Variants in PARD3B observed in about 807,000 individuals in gnomAD.
PARD3B encodes par-3 family cell polarity regulator beta.
A neutral mutation model predicts 130.2 loss-of-function variants in PARD3B; 103 were observed. The observed-to-expected ratio is 0.79, with a 90% CI of 0.67 to 0.93. The LOEUF (loss-of-function observed/expected upper bound fraction) is 0.93. PARD3B is among the 40% of genes least tolerant of loss of function. The probability of loss-of-function intolerance (pLI) is 0.00; values close to 1 mark genes in which losing one functional copy is unlikely to be tolerated. For missense variants in PARD3B, 1,609 were observed against 1,499.2 expected (o/e 1.07, Z -1.21); for synonymous variants, 583 against 553.2 (o/e 1.05, Z -0.76).
In PARD3B at chr2:205,407,145, G is replaced by T. The variant is rs1234848537; in HGVS notation, c.2741+6022G>T. ...GGTTTATGGTAGTGCATACACCATT[G>T]TTACCTGAGTGTATAAGCCCAAGTT... On this transcript the variant is annotated intron_variant, in intron 19 of 22. Transcript: ENST00000406610. The surrounding 1 kb of genome is among the most constrained non-coding windows in gnomAD (Gnocchi z 4.1). Among the ~76,000 whole-genome samples, 1 of 152,168 alleles carries T rather than the reference G, an allele frequency of 6.6e-6. No homozygotes were observed. The highest frequency in any genetic ancestry group is 1.5e-5 in the Non-Finnish European group (1 of 68,026).
intron 3 of PARD3B, among the ~76,000 whole-genome samples, chr2:205,008,279 G>A (rs1400358433): frequency 8.2e-6 from 1 of 121,502 alleles, no homozygotes; most frequent in East Asian, 2.5e-4. Context: ...TGTTTTACAG[G>A]CACAAATAAT....
chr2:204,569,841 A>G (rs1220561695), intron 1 of PARD3B, among the ~76,000 whole-genome samples: 1 of 152,146 alleles, frequency 6.6e-6, no homozygotes, highest in African/African-American at 2.4e-5. Flanking sequence ...TAATGTGGGG[A>G]TGCTTCATTG....
intron 18 of PARD3B, among the ~76,000 whole-genome samples, chr2:205,306,028 C>A (rs188743649): frequency 2.1e-3 from 325 of 152,104 alleles, no homozygotes; most frequent in Non-Finnish European, 3.4e-3. Flanking sequence ...CCCAATATAC[C>A]CAATGTAATC....
intron 1 of PARD3B, among the ~76,000 whole-genome samples, chr2:204,684,364 A>G (rs1467354071): frequency 6.6e-6 from 1 of 152,334 alleles, no homozygotes; most frequent in African/African-American, 2.4e-5. Flanking sequence ...TAATATATCA[A>G]AAAACTCAAT....
intron 2 of PARD3B, among the ~76,000 whole-genome samples, chr2:204,723,005 T>TCAA (rs1559089354): frequency 6.6e-6 from 1 of 152,148 alleles, no homozygotes; most frequent in African/African-American, 2.4e-5. Flanking sequence ...ATTGACACTT[T>TCAA]TGTTATCTCT....
At chr2:205,043,344 C>G (rs1390362857) in intron 3 of PARD3B, among the ~76,000 whole-genome samples, 2 of 151,934 alleles carry the variant, frequency 1.3e-5, no homozygotes, top group Non-Finnish European at 2.9e-5. Context: ...AATTACATAC[C>G]AGACAGTTCC....
intron 20 of PARD3B, among the ~76,000 whole-genome samples, chr2:205,459,906 G>GCA (rs1447727854): frequency 5.3e-5 from 8 of 152,150 alleles, no homozygotes; most frequent in African/African-American, 1.9e-4. Flanking sequence ...TGCACTCACT[G>GCA]CAGCCTTGTT....
At chr2:205,453,810 T>A (rs2048182977) in intron 20 of PARD3B, among the ~76,000 whole-genome samples, 1 of 152,224 alleles carries the variant, frequency 6.6e-6, no homozygotes, top group Admixed American at 6.5e-5. Context: ...TGTATTTTTG[T>A]TGCAGTTGTA....
At chr2:204,818,597 T>C (rs1056674501) in intron 2 of PARD3B, among the ~76,000 whole-genome samples, 16 of 152,164 alleles carry the variant, frequency 1.1e-4, no homozygotes, top group Non-Finnish European at 5.9e-5. Flanking sequence ...CTATTATAAA[T>C]GCAGTCATAA....
At chr2:204,780,725 G>GC (rs2041806058) in intron 2 of PARD3B, among the ~76,000 whole-genome samples, 1 of 152,174 alleles carries the variant, frequency 6.6e-6, no homozygotes, top group East Asian at 1.9e-4. Flanking sequence ...GCATTTGGGG[G>GC]CATATACATA....
chr2:204,633,663 T>C, intron 1 of PARD3B, among the ~76,000 whole-genome samples: 1 of 152,108 alleles, frequency 6.6e-6, no homozygotes, highest in South Asian at 2.1e-4. Flanking sequence ...AATACAAAAT[T>C]TAGCCAGGCA....
At chr2:204,830,736 T>A (rs1330543929) in intron 2 of PARD3B, among the ~76,000 whole-genome samples, 1 of 152,206 alleles carries the variant, frequency 6.6e-6, no homozygotes, top group African/African-American at 2.4e-5. Context: ...GTTCCTATGA[T>A]AACAGCTGTC....
At chr2:205,159,169 C>T (rs6435271) in intron 11 of PARD3B, among the ~76,000 whole-genome samples, 100,450 of 152,048 alleles carry the variant, frequency 0.66, 33,872 homozygotes, top group Admixed American at 0.76. Context: ...TTTATTACTG[C>T]AATAGGATTC....
In PARD3B at chr2:205,121,680, C is replaced by T. The variant is rs150197749; in HGVS notation, c.896C>T (p.Ser299Leu). The stretch of plus-strand genomic sequence containing the variant: ...CAAAACCGTGAACAGTATGAAAAGT[C>T]AGTCATTGGCTCTCTTAACATTTTT... ...PPQNREQYEK[S>L]VIGSLNIFGN... Residue 299 changes from serine to leucine, a missense_variant, in exon 8 of 23, where the codon TCA becomes TTA. Ser to Leu is a moderately radical substitution (Grantham distance 145). Transcript: ENST00000406610. The surrounding 1 kb of genome is among the most constrained non-coding windows in gnomAD (Gnocchi z 5.0). The T allele has an allele frequency of 5.9e-5, 95 of 1,614,182 alleles. No homozygotes were observed. The East Asian group carries it at 2.0e-3, about 34-fold the overall frequency.
At chr2:205,439,159 A>G (rs1490219811) in intron 19 of PARD3B, among the ~76,000 whole-genome samples, 1 of 152,124 alleles carries the variant, frequency 6.6e-6, no homozygotes, top group Non-Finnish European at 1.5e-5. Flanking sequence ...TTTTTGTTCG[A>G]ATAGGGGAAG....
intron 15 of PARD3B, among the ~76,000 whole-genome samples, chr2:205,226,283 C>T (rs750767980): frequency 5.3e-5 from 8 of 152,190 alleles, no homozygotes; most frequent in Middle Eastern, 3.4e-3. Flanking sequence ...TCTTGTGATC[C>T]GCCCGCCTTG....
intron 20 of PARD3B, among the ~76,000 whole-genome samples, chr2:205,496,177 A>G (rs2049917871): frequency 6.6e-6 from 1 of 152,190 alleles, no homozygotes. Flanking sequence ...AAAATTTGCT[A>G]AGTTTCTACA....
Position 204,848,702 on chromosome 2 carries a change from C to CTA in PARD3B, c.223-116440_223-116439dup, listed in dbSNP as rs764352750. Reference sequence around the variant, plus strand: ...ATCTATCTATTATTTATATATGTATCTATATATATATTTTAAACATATATT... The same window carrying CTA: ...ATCTATCTATTATTTATATATGTATCTATATATATATATTTTAAACATATATT... On this transcript the variant is annotated intron_variant, in intron 2 of 22. Transcript: ENST00000406610. 4.3e-3 allele frequency among the ~76,000 whole-genome samples: 648 copies of CTA among 150,416 alleles called. 4 individuals carry two copies. The highest frequency in any genetic ancestry group is 0.015 in the African/African-American group (617 of 40,816).
chr2:204,828,567 A>G lies in PARD3B; in HGVS notation c.223-136585A>G, dbSNP rs373722506. On this transcript the variant is annotated intron_variant, in intron 2 of 22. Transcript: ENST00000406610. ...CTCTGCTGATTAGTGTCATACCACT[A>G]TCTCCTTTCACTTAAGTGCCTGCTC... Among the ~76,000 whole-genome samples the G allele has an allele frequency of 9.8e-5, 15 of 152,298 alleles. No individual in the cohort carries two copies. In the East Asian group the frequency reaches 2.7e-3, roughly 27 times the overall value.
Sources: allele counts gnomAD v4.1 joint callset (sites outside exome capture counted in the v4.1 genomes callset), GRCh38; gene constraint gnomAD v4.1.1; non-coding constraint Gnocchi (gnomAD v3.1); transcripts MANE v1.5; gene names NCBI Gene and HGNC (gene_info 2026-07-23, HGNC 2026-07-21).